The following SLC44A5 variants were observed in gnomAD, a reference collection of about 807,000 sequenced individuals.
SLC44A5 encodes choline transporter-like protein 5.
SLC44A5 carries 57 observed loss-of-function variants against 101.8 expected under a neutral mutation model. The ratio of observed to expected loss-of-function variants is 0.56; its 90% CI spans 0.45 to 0.70. SLC44A5 has a LOEUF of 0.70. Ranked by LOEUF, SLC44A5 falls within the 30% of genes least tolerant of loss-of-function variation. The probability of loss-of-function intolerance (pLI) is 0.00; values close to 1 mark genes in which losing one functional copy is unlikely to be tolerated. For missense variants in SLC44A5, 737 were observed against 853.1 expected (o/e 0.86, Z 1.70); for synonymous variants, 281 against 290.9 (o/e 0.97, Z 0.35).
At chr1:75,372,360 A>T (rs1660286208) in intron 3 of SLC44A5, among the ~76,000 whole-genome samples, 1 of 152,186 alleles carries the variant, frequency 6.6e-6, no homozygotes, top group Non-Finnish European at 1.5e-5. Context: ...TAACACTTAC[A>T]TGCAGATTGA....
At chr1:75,533,897 C>T (rs1449487336) in intron 2 of SLC44A5, among the ~76,000 whole-genome samples, 4 of 152,088 alleles carry the variant, frequency 2.6e-5, no homozygotes, top group Non-Finnish European at 4.4e-5. Context: ...ATTTTCGAAA[C>T]GTCTTTAGGT....
intron 2 of SLC44A5, among the ~76,000 whole-genome samples, chr1:75,519,173 T>C (rs1478255643): frequency 2.0e-5 from 3 of 152,104 alleles, no homozygotes; most frequent in Non-Finnish European, 4.4e-5. Context: ...CAAAGGGCAA[T>C]AGACAAGTTT....
At chr1:75,417,152 A>T (rs1427993348) in intron 2 of SLC44A5, among the ~76,000 whole-genome samples, 1 of 152,234 alleles carries the variant, frequency 6.6e-6, no homozygotes, top group Non-Finnish European at 1.5e-5. Context: ...CCCATGTGTT[A>T]TGGGAGGAAC....
chr1:75,625,005 T>C, the SLC44A5 span, among the ~76,000 whole-genome samples: 1 of 152,194 alleles, frequency 6.6e-6, no homozygotes, highest in South Asian at 2.1e-4. Flanking sequence ...AGGGCTTCTC[T>C]CAGAGACTTC....
intron 2 of SLC44A5, among the ~76,000 whole-genome samples, chr1:75,485,498 A>G (rs1668104792): frequency 6.6e-6 from 1 of 152,182 alleles, no homozygotes; most frequent in Admixed American, 6.5e-5. Flanking sequence ...TTCATTGTTC[A>G]TATCACTATC....
intron 13 of SLC44A5, 38 bp from the exon 14 acceptor site, chr1:75,222,498 G>C: frequency 7.7e-7 from 1 of 1,303,984 alleles, no homozygotes; most frequent in Non-Finnish European, 1.1e-6. Context: ...TGTAATACAA[G>C]TAGATACGGA....
chr1:75,225,306 GTAGGC>G (rs1250810891), intron 13 of SLC44A5, among the ~76,000 whole-genome samples: 1 of 152,184 alleles, frequency 6.6e-6, no homozygotes, highest in Non-Finnish European at 1.5e-5. Flanking sequence ...TAAGAGTGTA[GTAGGC>G]TATACCATCT....
intron 2 of SLC44A5, among the ~76,000 whole-genome samples, chr1:75,483,519 C>T (rs567850631): frequency 6.6e-5 from 10 of 152,064 alleles, no homozygotes; most frequent in Admixed American, 2.6e-4. Context: ...ATGAGACCCT[C>T]GAATAAAAGA....
At chr1:75,481,843 G>T (rs944722068) in intron 2 of SLC44A5, among the ~76,000 whole-genome samples, 5 of 152,196 alleles carry the variant, frequency 3.3e-5, no homozygotes, top group African/African-American at 1.2e-4. Context: ...GGAAGTTAGT[G>T]TGGCGATTCC....
At chr1:75,444,953 A>G (rs1665463346) in intron 2 of SLC44A5, among the ~76,000 whole-genome samples, 2 of 152,164 alleles carry the variant, frequency 1.3e-5, no homozygotes, top group African/African-American at 4.8e-5. Flanking sequence ...AGAAAGAAGA[A>G]GGTGGGAAAT....
chr1:75,355,783 A>G (rs2101090268), intron 3 of SLC44A5, among the ~76,000 whole-genome samples: 1 of 152,268 alleles, frequency 6.6e-6, no homozygotes, highest in Middle Eastern at 3.4e-3. Flanking sequence ...AGTATCACAC[A>G]TACAATTATT....
chr1:75,689,215 C>T, the SLC44A5 span, among the ~76,000 whole-genome samples: 8 of 152,110 alleles, frequency 5.3e-5, no homozygotes, highest in African/African-American at 1.7e-4. Flanking sequence ...TATTCCAATA[C>T]GGGGATGACA....
intron 3 of SLC44A5, among the ~76,000 whole-genome samples, chr1:75,373,622 G>T (rs1482431253): frequency 6.6e-6 from 1 of 152,162 alleles, no homozygotes; most frequent in Non-Finnish European, 1.5e-5. Context: ...TCGGCCAGGA[G>T]AGAGCAAGGC....
chr1:75,399,497 G>C lies in SLC44A5; in HGVS notation c.14-2876C>G, dbSNP rs191667821. On this transcript the variant is annotated intron_variant, in intron 2 of 23. Coordinates refer to ENST00000370859, the MANE Select transcript of SLC44A5 (RefSeq NM_001130058.2). ...GTGTGCTAATCAGAAGAGACTTCAG[G>C]GACATAGCTACCAGATGCAAGGTCT... 3.8e-3 allele frequency among the ~76,000 whole-genome samples: 574 copies of C among 152,198 alleles called. 4 individuals are homozygous for C. The highest frequency in any genetic ancestry group is 0.013 in the African/African-American group (552 of 41,522).
chr1:75,594,042 C>T (rs1229890557), intron 1 of SLC44A5, among the ~76,000 whole-genome samples: 1 of 151,680 alleles, frequency 6.6e-6, no homozygotes, highest in African/African-American at 2.4e-5. Flanking sequence ...AGATGAATAC[C>T]CTATTCTTCA....
At chr1:75,477,578 C>CTTT (rs1202979637) in intron 2 of SLC44A5, among the ~76,000 whole-genome samples, 4 of 152,210 alleles carry the variant, frequency 2.6e-5, no homozygotes, top group African/African-American at 9.6e-5. Context: ...GAGCTGAAAA[C>CTTT]CAAGGCTCGA....
intron 7 of SLC44A5, among the ~76,000 whole-genome samples, chr1:75,243,404 T>C (rs1648826430): frequency 6.6e-6 from 1 of 152,104 alleles, no homozygotes; most frequent in African/African-American, 2.4e-5. Context: ...CCCAAAGTGC[T>C]AGGATTACAG....
At chr1:75,446,639 T>C (rs1342957853) in intron 2 of SLC44A5, among the ~76,000 whole-genome samples, 1 of 138,858 alleles carries the variant, frequency 7.2e-6, no homozygotes, top group African/African-American at 2.8e-5. Context: ...CTGTGAATAG[T>C]GCCTGGCTAT....
intron 6 of SLC44A5, among the ~76,000 whole-genome samples, chr1:75,257,578 A>G (rs1197282490): frequency 6.6e-6 from 1 of 152,136 alleles, no homozygotes; most frequent in Non-Finnish European, 1.5e-5. Flanking sequence ...CTAGTGGTCC[A>G]CATTCCCAAC....
Sources: allele counts gnomAD v4.1 joint callset (sites outside exome capture counted in the v4.1 genomes callset), GRCh38; gene constraint gnomAD v4.1.1; transcripts MANE v1.5; gene names NCBI Gene and HGNC (gene_info 2026-07-23, HGNC 2026-07-21).